Variants in RPGRIP1L observed in about 807,000 individuals in gnomAD.
RPGRIP1L encodes RPGRIP1 like, also known as protein fantom.
RPGRIP1L carries 131 observed loss-of-function variants against 160.4 expected under a neutral mutation model. The observed-to-expected ratio is 0.82, with a 90% confidence interval of 0.71 to 0.94. The LOEUF is 0.94. Among genes scored for constraint, RPGRIP1L ranks in the 40% least tolerant of loss-of-function variants. The pLI, the probability that RPGRIP1L is intolerant of heterozygous loss-of-function variation, is 0.00. For missense variants in RPGRIP1L, 1,522 were observed against 1,535.8 expected, an observed-to-expected ratio of 0.99 and a Z score of 0.15; for synonymous variants, 510 against 515.8, an observed-to-expected ratio of 0.99 and a Z score of 0.15.
At chr16:53,684,408 C>A (rs1969837924) in intron 6 of RPGRIP1L, among the ~76,000 whole-genome samples, 1 of 152,120 alleles carries the variant, frequency 6.6e-6, no homozygotes, top group South Asian at 2.1e-4. Context: ...GAATACTATG[C>A]AGCCTTAAAA....
intron 21 of RPGRIP1L, among the ~76,000 whole-genome samples, chr16:53,637,012 G>T (rs185303705): frequency 2.6e-5 from 4 of 151,286 alleles, no homozygotes; most frequent in Non-Finnish European, 5.9e-5. Context: ...TAGAGACAGG[G>T]TCTTGCTATG....
chr16:53,642,058 C>T (rs117094130), intron 17 of RPGRIP1L, among the ~76,000 whole-genome samples: 4,582 of 151,966 alleles, frequency 0.03, 99 homozygotes, highest in Non-Finnish European at 0.044. Context: ...ATAAATGGAC[C>T]ATCTACAACA....
rs1471886863 is a variant in RPGRIP1L, at chr16:53,660,857, C to A, written c.1244-1979G>T. On this transcript the variant is annotated intron_variant, in intron 10 of 26. Coordinates refer to ENST00000647211, the MANE Select transcript of RPGRIP1L (RefSeq NM_015272.5). Reference sequence around the variant, plus strand: ...GCTGTGAGCCGAGATTGCGCCACTGCACTCCAGCCTGGGCAATAGAGTGAG... The same window carrying A: ...GCTGTGAGCCGAGATTGCGCCACTGAACTCCAGCCTGGGCAATAGAGTGAG... 2.0e-5 allele frequency among the ~76,000 whole-genome samples: 3 copies of A among 148,846 alleles called. No homozygotes were observed. The East Asian group carries it at 5.9e-4, about 29-fold the overall frequency.
intron 10 of RPGRIP1L, among the ~76,000 whole-genome samples, chr16:53,664,623 T>C (rs1000414927): frequency 1.1e-4 from 16 of 152,040 alleles, no homozygotes; most frequent in African/African-American, 3.9e-4. Context: ...TTTAGGAAAA[T>C]TGAACAATTA....
chr16:53,640,959 G>T, intron 19 of RPGRIP1L, 74 bp downstream of exon 19: 1 of 1,014,506 alleles, frequency 9.9e-7, no homozygotes, highest in Non-Finnish European at 1.5e-6. Context: ...ATCAGGTAGG[G>T]AATAATATGC....
chr16:53,653,346 T>A (rs1966957463), intron 14 of RPGRIP1L: 1 of 1,077,998 alleles, frequency 9.3e-7, no homozygotes, highest in Admixed American at 4.9e-5. Flanking sequence ...TCCTATAAAG[T>A]CAGTCTCTCT....
At chr16:53,633,804 T>C (rs9939634) in intron 22 of RPGRIP1L, among the ~76,000 whole-genome samples, 5 of 152,158 alleles carry the variant, frequency 3.3e-5, no homozygotes, top group Admixed American at 6.5e-5. Context: ...AGACTTAAAA[T>C]CTATGAATCC....
intron 5 of RPGRIP1L, among the ~76,000 whole-genome samples, chr16:53,687,282 G>T (rs1194072759): frequency 6.6e-6 from 1 of 152,152 alleles, no homozygotes; most frequent in Non-Finnish European, 1.5e-5. Flanking sequence ...AAGGCTTAAA[G>T]TGGAACCTTA....
At chr16:53,681,097 G>A (rs560991602) in intron 6 of RPGRIP1L, among the ~76,000 whole-genome samples, 1 of 152,326 alleles carries the variant, frequency 6.6e-6, no homozygotes, top group Non-Finnish European at 1.5e-5. Context: ...TTGTATCTGT[G>A]CAGAGGGGAA....
chr16:53,658,867 T>C lies in RPGRIP1L; in HGVS notation c.1255A>G (p.Lys419Glu), dbSNP rs766178470. The change falls in exon 11 of 27, where the codon AAA becomes GAA. Residue 419 changes from lysine (K) to glutamate (E), a missense_variant. Lys to Glu is a moderately conservative substitution (Grantham distance 56). Transcript: ENST00000647211. ...RLKTERDQNE[K>E]LVQENRELQL... is the part of the protein sequence containing the mutation. ...AGTTCTCTATTCTCTTGAACGAGTT[T>C]TTCATTTTGATCTTAAAAATAAAGT... 1.3e-6 allele frequency: 2 copies of C among 1,594,574 alleles called. No individual in the cohort carries two copies. Among genetic ancestry groups the C allele is most frequent in the South Asian group, 2.2e-5 (2 of 89,572 alleles).
chr16:53,690,572 T>C (rs1970316432), intron 4 of RPGRIP1L, among the ~76,000 whole-genome samples: 1 of 152,212 alleles, frequency 6.6e-6, no homozygotes, highest in African/African-American at 2.4e-5. Context: ...TCAAGTAATC[T>C]TCCCACCTCA....
At chr16:53,618,965 TTC>T in intron 24 of RPGRIP1L, 58 bp downstream of exon 24, 1 of 1,342,072 alleles carries the variant, frequency 7.5e-7, no homozygotes, top group South Asian at 1.2e-5. Flanking sequence ...TTCTTTCCAC[TTC>T]TTTCATAAAT....
chr16:53,607,228 G>A (rs1329140771), intron 25 of RPGRIP1L, among the ~76,000 whole-genome samples: 2 of 152,322 alleles, frequency 1.3e-5, no homozygotes, highest in East Asian at 1.9e-4. Flanking sequence ...GATCAAATGA[G>A]ATGATACAAG....
rs750994474 is a variant in RPGRIP1L at position 53,600,838 on chromosome 16, G to A, written c.*1238C>T. The A allele has an allele frequency of 2.6e-5, 4 of 152,592 alleles. No individual in the cohort carries two copies. The highest frequency in any genetic ancestry group is 5.9e-5 in the Non-Finnish European group (4 of 68,020). The allele number at this position is 152,592 out of a possible 1,614,324, so 9.5% of individuals were successfully genotyped here. On this transcript the variant is annotated 3_prime_UTR_variant, in exon 27 of 27. Transcript: ENST00000647211. Reference sequence around the variant, plus strand: ...CCTAATTCTCTAAATGAAATGGTCTGTGATCACTGAAGCAGAGATTTAATA... The same window carrying A: ...CCTAATTCTCTAAATGAAATGGTCTATGATCACTGAAGCAGAGATTTAATA...
chr16:53,601,897 A>G lies in RPGRIP1L; in HGVS notation c.*179T>C, dbSNP rs1245053865. On this transcript the variant is annotated 3_prime_UTR_variant, in exon 27 of 27. Coordinates refer to ENST00000647211, the MANE Select transcript of RPGRIP1L (RefSeq NM_015272.5). ...GTGGCAGTTATGAGAAGGAGGGAAT[A>G]GAGAAATAAACAAATGAAAAAGTAT... 9.9e-6 allele frequency: 6 copies of G among 606,250 alleles called. No homozygotes were observed. Among genetic ancestry groups the G allele is most frequent in the Non-Finnish European group, 1.8e-5 (6 of 333,298 alleles). 37.6% of individuals were successfully genotyped at this position (606,250 alleles called of 1,614,324 possible).
chr16:53,678,526 A>G (rs1186209976), intron 6 of RPGRIP1L, among the ~76,000 whole-genome samples: 1 of 152,158 alleles, frequency 6.6e-6, no homozygotes, highest in Non-Finnish European at 1.5e-5. Context: ...AGTTTCATAT[A>G]CTTTATTCCC....
intron 22 of RPGRIP1L, among the ~76,000 whole-genome samples, 197 bp from the exon 23 acceptor site, chr16:53,622,553 T>G (rs959210278): frequency 6.6e-6 from 1 of 151,918 alleles, no homozygotes; most frequent in African/African-American, 2.4e-5. Flanking sequence ...CATAGCAGCA[T>G]CCTTGCCTTT....
At chr16:53,637,568 C>A (rs996398610) in intron 21 of RPGRIP1L, 127 bp downstream of exon 21, 36 of 813,566 alleles carry the variant, frequency 4.4e-5, no homozygotes, top group East Asian at 1.7e-4. Flanking sequence ...TCTATCATTT[C>A]TGTCAAGAAA....
At chr16:53,646,025 T>C (rs1966523165) in intron 16 of RPGRIP1L, 22 bp from the exon 17 acceptor site, 1 of 1,611,548 alleles carries the variant, frequency 6.2e-7, no homozygotes, top group East Asian at 2.2e-5. Context: ...TACATATTTA[T>C]ATTAAGGAAA....
Sources: gnomAD v4.1 joint callset for allele counts (sites outside exome capture counted in the v4.1 genomes callset) on GRCh38, gnomAD v4.1.1 for gene constraint, MANE v1.5 for transcripts, NCBI Gene and HGNC (gene_info 2026-07-23, HGNC 2026-07-21) for gene names.